The following DOCK2 variants were observed in gnomAD, a reference collection of about 807,000 sequenced individuals.
The protein encoded by DOCK2 is dedicator of cytokinesis protein 2.
DOCK2 carries 87 observed loss-of-function variants against 248.9 expected under a neutral mutation model. That is an observed-to-expected ratio of 0.35 (90% CI 0.29 to 0.42). DOCK2 has a LOEUF of 0.42. DOCK2 is among the 10% of genes least tolerant of loss of function. DOCK2 has a pLI of 1.00. For synonymous variants in DOCK2, 805 were observed against 821.6 expected, an observed-to-expected ratio of 0.98 and a Z score of 0.35; for missense variants, 1,747 against 2,300.2, an observed-to-expected ratio of 0.76 and a Z score of 4.92.
chr5:169,986,503 C>T (rs1020574585), intron 29 of DOCK2, among the ~76,000 whole-genome samples: 2 of 152,184 alleles, frequency 1.3e-5, no homozygotes, highest in Non-Finnish European at 2.9e-5. Flanking sequence ...GCTTAGATGT[C>T]CTATGGCCCA....
intron 26 of DOCK2, among the ~76,000 whole-genome samples, chr5:169,835,771 C>G (rs1253390420): frequency 1.4e-5 from 2 of 147,948 alleles, no homozygotes; most frequent in South Asian, 4.3e-4. Flanking sequence ...TTTTTTTTTT[C>G]TTTTTTGAGA....
chr5:169,760,527 T>A (rs1225559519), intron 24 of DOCK2, among the ~76,000 whole-genome samples: 1 of 152,210 alleles, frequency 6.6e-6, no homozygotes, highest in Non-Finnish European at 1.5e-5. Context: ...TTCATGGATG[T>A]CCTTTTTCTG....
At chr5:170,046,769 T>C (rs201157732) in intron 39 of DOCK2, among the ~76,000 whole-genome samples, 2 of 148,724 alleles carry the variant, frequency 1.3e-5, no homozygotes, top group Non-Finnish European at 3.0e-5. Context: ...CACACACACA[T>C]ACACACACAC....
At chr5:170,058,279 T>C (rs1460457838) in intron 44 of DOCK2, among the ~76,000 whole-genome samples, 1 of 152,242 alleles carries the variant, frequency 6.6e-6, no homozygotes, top group Non-Finnish European at 1.5e-5. Flanking sequence ...ATGTCTTATT[T>C]ATTTATTTAT....
At chr5:169,889,935 G>C (rs2161147) in intron 27 of DOCK2, among the ~76,000 whole-genome samples, 5,271 of 152,288 alleles carry the variant, frequency 0.035, 183 homozygotes, top group African/African-American at 0.089. Context: ...ACATTGCCGT[G>C]TCCCTTCTCT....
chr5:169,722,181 C>A (rs1581095626), intron 22 of DOCK2, among the ~76,000 whole-genome samples: 1 of 152,212 alleles, frequency 6.6e-6, no homozygotes, highest in East Asian at 1.9e-4. Context: ...GATTCAGCTT[C>A]TTTACAAAGC....
At chr5:169,944,294 T>A (rs1776361667) in intron 27 of DOCK2, among the ~76,000 whole-genome samples, 1 of 152,218 alleles carries the variant, frequency 6.6e-6, no homozygotes, top group South Asian at 2.1e-4. Context: ...TGAAAGGTGA[T>A]GACGGCAGTG....
At chr5:169,855,669 A>G (rs1770851244) in intron 27 of DOCK2, among the ~76,000 whole-genome samples, 1 of 152,230 alleles carries the variant, frequency 6.6e-6, no homozygotes, top group Admixed American at 6.5e-5. Context: ...TCTACATGGA[A>G]GAGACCAAGG....
chr5:169,694,000 C>T (rs1359944421), intron 9 of DOCK2, among the ~76,000 whole-genome samples: 5 of 152,176 alleles, frequency 3.3e-5, no homozygotes, highest in Admixed American at 6.5e-5. Context: ...ATATCCAGAC[C>T]GGTGTTTGAC....
intron 25 of DOCK2, among the ~76,000 whole-genome samples, chr5:169,792,451 A>ATATGTG (rs112882213): frequency 6.7e-6 from 1 of 149,210 alleles, no homozygotes; most frequent in Non-Finnish European, 1.5e-5. Context: ...TATTTTATAT[A>ATATGTG]TGTGTGTGTG....
At chr5:169,778,608 C>T (rs1428012875) in intron 25 of DOCK2, among the ~76,000 whole-genome samples, 1 of 152,154 alleles carries the variant, frequency 6.6e-6, no homozygotes, top group Non-Finnish European at 1.5e-5. Flanking sequence ...GTTGCTCTGC[C>T]CTACTTGCCT....
At chr5:169,974,608 G>A (rs775208045) in intron 27 of DOCK2, among the ~76,000 whole-genome samples, 4 of 152,180 alleles carry the variant, frequency 2.6e-5, no homozygotes, top group Non-Finnish European at 2.9e-5. Flanking sequence ...GCAGGAAAGA[G>A]TGGGAGCGGA....
At position 169,712,193 on chromosome 5, in the gene DOCK2, C is replaced by T. The variant is rs148641505; in HGVS notation, c.1629C>T (p.His543=). The T allele has an allele frequency of 2.0e-5, 33 of 1,613,938 alleles. No individual in the cohort carries two copies. Among genetic ancestry groups the T allele is most frequent in the Admixed American group, 8.3e-5 (5 of 60,006 alleles). Reference sequence around the variant, plus strand: ...TGAAAGAAGATGGGACTACTCTACACGATGGATTCCATGACTTAGTTGTCC... The same window carrying T: ...TGAAAGAAGATGGGACTACTCTACATGATGGATTCCATGACTTAGTTGTCC... ...KLMKEDGTTL[H]DGFHDLVVLK... Residue 543 remains histidine, a synonymous_variant, in exon 17 of 52, where the codon CAC becomes CAT. Coordinates refer to ENST00000520908, the MANE Select transcript of DOCK2 (RefSeq NM_004946.3).
intron 25 of DOCK2, among the ~76,000 whole-genome samples, chr5:169,800,040 A>G (rs1407595442): frequency 6.6e-6 from 1 of 152,124 alleles, no homozygotes; most frequent in Non-Finnish European, 1.5e-5. Context: ...CCTGGGCTCA[A>G]GTTATCCTAC....
chr5:169,716,462 A>G (rs1202023650), intron 20 of DOCK2, among the ~76,000 whole-genome samples, 160 bp downstream of exon 20: 3 of 152,106 alleles, frequency 2.0e-5, no homozygotes, highest in Non-Finnish European at 4.4e-5. Flanking sequence ...ATGAGCTGCT[A>G]TTTCCTTTTG....
At chr5:169,654,530 T>C in intron 2 of DOCK2, 44 bp downstream of exon 2, 1 of 1,605,234 alleles carries the variant, frequency 6.2e-7, no homozygotes, top group Non-Finnish European at 8.5e-7. Flanking sequence ...CCTTGGCTGA[T>C]GGAAGCCTAT....
chr5:169,841,471 A>T (rs891824934), intron 27 of DOCK2: 1 of 985,244 alleles, frequency 1.0e-6, no homozygotes, highest in Non-Finnish European at 1.2e-6. Flanking sequence ...AAATGCTTTC[A>T]GGGGCCAGTC....
intron 25 of DOCK2, among the ~76,000 whole-genome samples, chr5:169,767,772 T>A (rs1764872470): frequency 6.6e-6 from 1 of 152,218 alleles, no homozygotes; most frequent in Admixed American, 6.5e-5. Flanking sequence ...ACTTAATATT[T>A]ATCAAATGCC....
At chr5:169,881,553 GAA>G in intron 27 of DOCK2, 1 of 759,374 alleles carries the variant, frequency 1.3e-6, no homozygotes, top group Non-Finnish European at 2.3e-6. Flanking sequence ...ACGGTGCTCT[GAA>G]GTTGCACGGC....
Sources: allele counts gnomAD v4.1 joint callset (sites outside exome capture counted in the v4.1 genomes callset), GRCh38; gene constraint gnomAD v4.1.1; transcripts MANE v1.5; gene names NCBI Gene and HGNC (gene_info 2026-07-23, HGNC 2026-07-21).